CADM2: variants seen among roughly 807,000 people sequenced by gnomAD.
CADM2 encodes cell adhesion molecule 2, also known as immunoglobulin superfamily member 4D.
A neutral mutation model predicts 49.8 loss-of-function variants in CADM2; 12 were observed. The ratio of observed to expected loss-of-function variants is 0.24; its 90% CI spans 0.15 to 0.39. The LOEUF (loss-of-function observed/expected upper bound fraction) is 0.39, where lower values mean the gene tolerates loss of function less well. Ranked by LOEUF, CADM2 falls within the 10% of genes least tolerant of loss-of-function variation. CADM2 has a pLI of 1.00. For missense variants in CADM2, 378 were observed against 492.3 expected (o/e 0.77, Z 2.20); for synonymous variants, 214 against 175.4 (o/e 1.22, Z -1.74).
intron 1 of CADM2, among the ~76,000 whole-genome samples, chr3:85,023,863 G>A (rs1006757054): frequency 1.3e-5 from 2 of 151,868 alleles, no homozygotes; most frequent in East Asian, 3.9e-4. Flanking sequence ...TTTTCTATGT[G>A]CTTAAGAATA....
chr3:85,230,674 A>T (rs1459340298), intron 1 of CADM2, among the ~76,000 whole-genome samples: 2 of 152,306 alleles, frequency 1.3e-5, no homozygotes, highest in African/African-American at 4.8e-5. Context: ...CTCATTAACA[A>T]CAGTATTAAC....
At chr3:84,974,079 T>A (rs2031650388) in intron 1 of CADM2, among the ~76,000 whole-genome samples, 1 of 152,116 alleles carries the variant, frequency 6.6e-6, no homozygotes, top group Admixed American at 6.5e-5. Context: ...TTTACTTCCT[T>A]TAATATTTAA....
chr3:85,574,794 G>A (rs1002854357), intron 1 of CADM2, among the ~76,000 whole-genome samples: 56 of 152,002 alleles, frequency 3.7e-4, no homozygotes, highest in African/African-American at 8.2e-4. Context: ...CTATCAGTGC[G>A]TTGAGAAATT....
chr3:85,960,600 T>G (rs1724689041), intron 7 of CADM2, among the ~76,000 whole-genome samples: 1 of 152,086 alleles, frequency 6.6e-6, no homozygotes, highest in African/African-American at 2.4e-5. Flanking sequence ...AAATGTAAAT[T>G]ACCTAGGATA....
At chr3:85,598,581 C>A (rs2063309309) in intron 1 of CADM2, among the ~76,000 whole-genome samples, 2 of 151,560 alleles carry the variant, frequency 1.3e-5, no homozygotes, top group South Asian at 4.2e-4. Flanking sequence ...GAGAAAACAC[C>A]ACTGCTCTGG....
At chr3:85,894,061 G>A (rs112298273) in intron 5 of CADM2, among the ~76,000 whole-genome samples, 9 of 152,184 alleles carry the variant, frequency 5.9e-5, no homozygotes, top group South Asian at 4.1e-4. Flanking sequence ...TGTTTATTGC[G>A]GCACTATTCA....
At chr3:85,506,508 A>G (rs562852018) in intron 1 of CADM2, among the ~76,000 whole-genome samples, 2 of 152,208 alleles carry the variant, frequency 1.3e-5, no homozygotes, top group African/African-American at 4.8e-5. Context: ...CACAGCATAA[A>G]TTTAAAATGA....
intron 1 of CADM2, among the ~76,000 whole-genome samples, chr3:85,222,975 C>T (rs2042074915): frequency 6.6e-6 from 1 of 152,116 alleles, no homozygotes; most frequent in South Asian, 2.1e-4. Flanking sequence ...TTTAGAACTA[C>T]TATCGAACTT....
rs549827754 is a variant in CADM2, at chr3:85,188,802, T to C, written c.61+229134T>C. ...ATCCCAGCACTTTGGGAGGCTGAGG[T>C]GGGCGGATCACGAGGTCAGGAGATC... On this transcript the variant is annotated intron_variant, in intron 1 of 9. Coordinates refer to ENST00000383699, the MANE Select transcript of CADM2 (RefSeq NM_001167675.2). Among the ~76,000 whole-genome samples the C allele has an allele frequency of 1.6e-3, 245 of 151,822 alleles. 2 individuals are homozygous for C. The highest frequency in any genetic ancestry group is 5.4e-3 in the African/African-American group (225 of 41,432).
intron 1 of CADM2, among the ~76,000 whole-genome samples, chr3:85,149,756 T>C (rs1335013876): frequency 6.6e-6 from 1 of 152,138 alleles, no homozygotes; most frequent in Non-Finnish European, 1.5e-5. Flanking sequence ...AATTGTAGCG[T>C]TATAGACACG....
intron 1 of CADM2, among the ~76,000 whole-genome samples, chr3:85,040,630 T>G (rs555576605): frequency 4.1e-4 from 62 of 152,282 alleles, no homozygotes; most frequent in African/African-American, 1.4e-3. Flanking sequence ...AAACAGCAGA[T>G]TACCCATGGT....
chr3:85,996,138 T>G (rs1314444015), intron 8 of CADM2, among the ~76,000 whole-genome samples: 1 of 150,590 alleles, frequency 6.6e-6, no homozygotes, highest in African/African-American at 2.4e-5. Context: ...AATATAAGAT[T>G]TTGTTCATTA....
intron 1 of CADM2, among the ~76,000 whole-genome samples, chr3:85,172,713 G>A (rs1358754632): frequency 6.6e-6 from 1 of 151,734 alleles, no homozygotes; most frequent in East Asian, 1.9e-4. Context: ...GGAGATTTAA[G>A]TGATGGTCTG....
intron 2 of CADM2, among the ~76,000 whole-genome samples, chr3:85,778,755 CTG>C (rs1216036081): frequency 6.6e-6 from 1 of 152,174 alleles, no homozygotes; most frequent in Non-Finnish European, 1.5e-5. Context: ...ACACCTCCTC[CTG>C]TTACTTTGCT....
intron 2 of CADM2, among the ~76,000 whole-genome samples, chr3:85,747,694 G>C (rs1035754826): frequency 6.6e-6 from 1 of 152,068 alleles, no homozygotes; most frequent in Non-Finnish European, 1.5e-5. Flanking sequence ...TATGCAGGCT[G>C]TTTCAGTGTT....
chr3:85,926,748 T>A (rs1416172751), intron 6 of CADM2, among the ~76,000 whole-genome samples: 1 of 152,142 alleles, frequency 6.6e-6, no homozygotes, highest in African/African-American at 2.4e-5. Context: ...TAAAAGAATA[T>A]TTTTTGACTG....
chr3:85,877,093 T>G (rs577479007), intron 3 of CADM2, among the ~76,000 whole-genome samples: 14 of 152,082 alleles, frequency 9.2e-5, no homozygotes, highest in Non-Finnish European at 1.9e-4. Context: ...TCTTCCAGAA[T>G]TTAGAGTTTT....
chr3:85,331,246 G>A (rs2044914200), intron 1 of CADM2, among the ~76,000 whole-genome samples: 1 of 151,450 alleles, frequency 6.6e-6, no homozygotes, highest in South Asian at 2.1e-4. Flanking sequence ...CTGTATTTTT[G>A]TAAACGTTAA....
intron 1 of CADM2, among the ~76,000 whole-genome samples, chr3:85,079,483 G>T (rs988068834): frequency 2.0e-4 from 31 of 151,692 alleles, no homozygotes; most frequent in Admixed American, 1.8e-3. Context: ...TTTTCATAGG[G>T]TTATTAACAA....
Sources: allele counts gnomAD v4.1 joint callset (sites outside exome capture counted in the v4.1 genomes callset), GRCh38; gene constraint gnomAD v4.1.1; transcripts MANE v1.5; gene names NCBI Gene and HGNC (gene_info 2026-07-23, HGNC 2026-07-21).